TBC1D8: variants seen among roughly 807,000 people sequenced by gnomAD.
TBC1D8 encodes the protein TBC1 domain family member 8.
In TBC1D8, 65 loss-of-function variants were observed where a neutral mutation model predicts 118.8. That is an observed-to-expected ratio of 0.55 (90% CI 0.45 to 0.67). The LOEUF is 0.67. Among genes scored for constraint, TBC1D8 ranks in the 30% least tolerant of loss-of-function variants. The pLI is 0.00. For synonymous variants in TBC1D8, 566 were observed against 595.8 expected (o/e 0.95, Z 0.73); for missense variants, 1,376 against 1,471.2 (o/e 0.94, Z 1.06).
intron 1 of TBC1D8, among the ~76,000 whole-genome samples, chr2:101,146,528 G>A (rs1415561211): frequency 6.6e-6 from 1 of 152,152 alleles, no homozygotes; most frequent in Non-Finnish European, 1.5e-5. Context: ...TCCTTCAGAG[G>A]ACACAGCTGG....
At chr2:101,024,028 T>G (rs1260845209) in intron 15 of TBC1D8, 1 of 152,440 alleles carries the variant, frequency 6.6e-6, no homozygotes, top group Non-Finnish European at 1.5e-5. Context: ...TTCTGTTCCT[T>G]AAAACCCAAG....
chr2:101,107,797 G>C (rs1474329347), intron 1 of TBC1D8, among the ~76,000 whole-genome samples: 1 of 152,208 alleles, frequency 6.6e-6, no homozygotes, highest in African/African-American at 2.4e-5. Flanking sequence ...ACAACCCACA[G>C]TATGAAAGGT....
At chr2:101,109,904 C>T (rs1310273052) in intron 1 of TBC1D8, 1 of 985,510 alleles carries the variant, frequency 1.0e-6, no homozygotes, top group African/African-American at 1.7e-5. Flanking sequence ...TTTGCTGCAT[C>T]TCCAGGAATG....
chr2:101,059,864 A>G (rs866407222), intron 2 of TBC1D8, among the ~76,000 whole-genome samples: 6 of 152,138 alleles, frequency 3.9e-5, no homozygotes, highest in Non-Finnish European at 7.4e-5. Context: ...GCATGAACCC[A>G]GGAGGCGGAG....
At chr2:101,149,501 T>C (rs979110613) in intron 1 of TBC1D8, among the ~76,000 whole-genome samples, 3 of 152,188 alleles carry the variant, frequency 2.0e-5, no homozygotes, top group Non-Finnish European at 4.4e-5. Flanking sequence ...GTATCCTACA[T>C]ATGTGCACGG....
chr2:101,023,533 G>A (rs1680164160), intron 15 of TBC1D8: 13 of 350,446 alleles, frequency 3.7e-5, no homozygotes, highest in South Asian at 2.1e-4. Context: ...CTGTGGGGAG[G>A]GCCCCAGAGG....
rs560817394 is a variant in TBC1D8 at position 101,036,045 on chromosome 2, G to T, written c.1576C>A (p.Arg526=). Residue 526 remains arginine, a synonymous_variant, in exon 9 of 20, where the codon CGA becomes AGA. Transcript: ENST00000409318. The stretch of plus-strand genomic sequence containing the variant: ...GAGAAGAGAAGCCAGAGTCTCCCTC[G>T]CAAAGATTCAGGGATGCCCATGGCT... ...LVAMGIPESL[R]GRLWLLFSDA... is the part of the protein sequence containing the mutation. 30 of 1,613,940 alleles carry T rather than the reference G, an allele frequency of 1.9e-5. No homozygotes were observed. The highest frequency in any genetic ancestry group is 2.2e-5 in the East Asian group (1 of 44,886).
intron 2 of TBC1D8, among the ~76,000 whole-genome samples, chr2:101,069,048 C>A (rs1320186178): frequency 1.3e-5 from 2 of 149,568 alleles, no homozygotes; most frequent in Non-Finnish European, 3.0e-5. Context: ...CATCTGTAAT[C>A]CCAGCATTTT....
At chr2:101,090,496 A>G (rs1675964406) in intron 1 of TBC1D8, 132 bp from the exon 2 acceptor site, 1 of 946,312 alleles carries the variant, frequency 1.1e-6, no homozygotes, top group South Asian at 1.7e-5. Context: ...CAGTTCTTCA[A>G]CTCACCTCAC....
chr2:101,034,642 TG>T (rs1244008681), intron 9 of TBC1D8, among the ~76,000 whole-genome samples: 1 of 152,180 alleles, frequency 6.6e-6, no homozygotes, highest in African/African-American at 2.4e-5. Flanking sequence ...GGCATGTGTG[TG>T]TGCACGTGTG....
chr2:101,022,193 C>T, intron 16 of TBC1D8, 88 bp downstream of exon 16: 11 of 1,577,486 alleles, frequency 7.0e-6, no homozygotes, highest in Non-Finnish European at 9.5e-6. Flanking sequence ...ACACCATGTG[C>T]ATCTGCCTGC....
chr2:101,008,285 A>G lies in TBC1D8; in HGVS notation c.3016-12T>C, dbSNP rs764093052. The G allele has an allele frequency of 1.3e-6, 2 of 1,514,228 alleles. No homozygotes were observed. The highest frequency in any genetic ancestry group is 1.8e-6 in the Non-Finnish European group (2 of 1,132,534). 93.8% of individuals were successfully genotyped at this position (1,514,228 alleles called of 1,614,324 possible). On this transcript the variant is annotated splice_polypyrimidine_tract_variant and intron_variant, in intron 19 of 19. Coordinates refer to ENST00000409318, the MANE Select transcript of TBC1D8 (RefSeq NM_001330348.2). ...TGGATAAATTCTCTCTGAAATTGAAATAAGTCTTAGGTAGCAGCAGAACCA... is the reference window on the plus strand; with the variant it reads ...TGGATAAATTCTCTCTGAAATTGAAGTAAGTCTTAGGTAGCAGCAGAACCA...
At position 101,085,141 on chromosome 2, in the gene TBC1D8, G is replaced by A. The variant is rs187652722; in HGVS notation, c.283+5068C>T. 1.5e-3 allele frequency among the ~76,000 whole-genome samples: 223 copies of A among 152,114 alleles called. 1 individual carries two copies. Among genetic ancestry groups the A allele is most frequent in the African/African-American group, 4.9e-3 (204 of 41,468 alleles). On this transcript the variant is annotated intron_variant, in intron 2 of 19. Coordinates refer to ENST00000409318, the MANE Select transcript of TBC1D8 (RefSeq NM_001330348.2). ...GCTGGGATTACAGGTGTGAGCCACC[G>A]CGCCCAGCCAGGGTATTCACTATTA...
At chr2:101,017,639 G>A (rs778691209) in intron 17 of TBC1D8, among the ~76,000 whole-genome samples, 10 of 152,312 alleles carry the variant, frequency 6.6e-5, no homozygotes, top group Middle Eastern at 3.4e-3. Flanking sequence ...AGCAGACCAT[G>A]CTGTGCAAAG....
At chr2:101,027,269 C>T (rs968342239) in intron 15 of TBC1D8, 114 bp downstream of exon 15, 16 of 937,412 alleles carry the variant, frequency 1.7e-5, no homozygotes, top group Non-Finnish European at 2.7e-5. Context: ...GCAGCTCCGG[C>T]CTCTGCTCCA....
chr2:101,010,891 A>C, intron 19 of TBC1D8, 38 bp downstream of exon 19: 1 of 1,576,526 alleles, frequency 6.3e-7, no homozygotes, highest in Non-Finnish European at 8.6e-7. Context: ...CAAAAAAAAA[A>C]AAAAAAGTTA....
chr2:101,050,337 G>A, intron 5 of TBC1D8, 64 bp downstream of exon 5: 2 of 1,553,742 alleles, frequency 1.3e-6, no homozygotes, highest in East Asian at 4.5e-5. Flanking sequence ...TTGTACATAA[G>A]GGATGGGCAC....
At chr2:101,040,080 G>C in intron 6 of TBC1D8, 98 bp downstream of exon 6, 1 of 1,396,254 alleles carries the variant, frequency 7.2e-7, no homozygotes. Flanking sequence ...AAACTGTGCC[G>C]TCTGAACTTC....
chr2:101,020,324 AGATGATGAT>A (rs10553891), intron 17 of TBC1D8, among the ~76,000 whole-genome samples: 83 of 151,866 alleles, frequency 5.5e-4, no homozygotes, highest in African/African-American at 1.9e-3. Flanking sequence ...AACTATGGAA[AGATGATGAT>A]GATGATGATG....
Sources: gnomAD v4.1 joint callset for allele counts (sites outside exome capture counted in the v4.1 genomes callset) on GRCh38, gnomAD v4.1.1 for gene constraint, MANE v1.5 for transcripts, NCBI Gene and HGNC (gene_info 2026-07-23, HGNC 2026-07-21) for gene names.